The following TRPC5 variants were observed in gnomAD, a reference collection of about 807,000 sequenced individuals.
TRPC5 encodes transient receptor potential cation channel subfamily C member 5.
TRPC5 carries 9 observed loss-of-function variants against 56.5 expected under a neutral mutation model. The observed-to-expected ratio is 0.16, with a 90% confidence interval of 0.10 to 0.28. The LOEUF (loss-of-function observed/expected upper bound fraction) is 0.28. Ranked by LOEUF, TRPC5 falls within the 10% of genes least tolerant of loss-of-function variation. TRPC5 has a pLI of 1.00. For missense variants in TRPC5, 469 were observed against 748.9 expected (o/e 0.63, Z 4.36); for synonymous variants, 282 against 278.5 (o/e 1.01, Z -0.13).
intron 1 of TRPC5, among the ~76,000 whole-genome samples, chrX:112,009,627 C>G (rs187296403): frequency 1.2e-4 from 13 of 111,788 alleles, no homozygotes; most frequent in Non-Finnish European, 1.9e-5. Flanking sequence ...TGAACTCTGA[C>G]GCATAAAGGC....
chrX:111,945,494 C>T (rs1332293443), intron 2 of TRPC5, among the ~76,000 whole-genome samples: 2 of 110,052 alleles, frequency 1.8e-5, no homozygotes, highest in Admixed American at 9.8e-5. Flanking sequence ...TGTGTGCGCA[C>T]ACACACCGAC....
intron 1 of TRPC5, among the ~76,000 whole-genome samples, chrX:111,982,755 G>C (rs187087296): frequency 1.8e-5 from 2 of 110,995 alleles, no homozygotes; most frequent in African/African-American, 3.3e-5. Context: ...TTGGAACTAA[G>C]GCCTCTAGGT....
chrX:112,044,077 C>T (rs957683588), intron 1 of TRPC5, among the ~76,000 whole-genome samples: 1 of 111,513 alleles, frequency 9.0e-6, no homozygotes, highest in African/African-American at 3.3e-5. Context: ...GATAGACTAG[C>T]AACTGTAAAC....
chrX:111,982,877 G>A (rs559130477), intron 1 of TRPC5, among the ~76,000 whole-genome samples: 2 of 111,181 alleles, frequency 1.8e-5, no homozygotes, highest in South Asian at 7.7e-4. Context: ...TTGGAACTGT[G>A]AATCTTGGCT....
intron 1 of TRPC5, among the ~76,000 whole-genome samples, chrX:112,041,107 T>C (rs1359644752): frequency 9.0e-6 from 1 of 111,374 alleles, no homozygotes; most frequent in Non-Finnish European, 1.9e-5. Context: ...CAACCTACTA[T>C]ACAAGTTGGC....
intron 1 of TRPC5, among the ~76,000 whole-genome samples, chrX:112,020,388 G>A (rs1929242412): frequency 1.8e-5 from 2 of 111,999 alleles, no homozygotes; most frequent in South Asian, 7.4e-4. Context: ...GGTCTTTGAA[G>A]GCGAGTAATC....
At chrX:111,878,271 C>T (rs1924051584) in intron 3 of TRPC5, among the ~76,000 whole-genome samples, 1 of 109,303 alleles carries the variant, frequency 9.1e-6, no homozygotes, top group Non-Finnish European at 1.9e-5. Flanking sequence ...AAAAATGCTC[C>T]TATAATACCC....
At chrX:111,944,967 C>A (rs1341926366) in intron 2 of TRPC5, among the ~76,000 whole-genome samples, 1 of 110,682 alleles carries the variant, frequency 9.0e-6, no homozygotes, top group Admixed American at 9.7e-5. Context: ...TATGGCAGCC[C>A]TAGGAAACAA....
At chrX:112,016,684 G>T (rs746074684) in intron 1 of TRPC5, among the ~76,000 whole-genome samples, 14 of 111,854 alleles carry the variant, frequency 1.3e-4, no homozygotes, top group African/African-American at 4.5e-4. Flanking sequence ...CTTAGCTTTT[G>T]CTCTGTGTGT....
intron 1 of TRPC5, among the ~76,000 whole-genome samples, chrX:111,965,665 G>A: frequency 8.9e-6 from 1 of 112,085 alleles, no homozygotes; most frequent in Middle Eastern, 4.6e-3. Context: ...TCAGGATTAA[G>A]AAACTCATTC....
chrX:111,825,815 C>T (rs1427950580), intron 7 of TRPC5, among the ~76,000 whole-genome samples: 8 of 111,277 alleles, frequency 7.2e-5, no homozygotes, highest in Non-Finnish European at 1.5e-4. Flanking sequence ...AGATGGCTGG[C>T]GGAATTTGGA....
intron 2 of TRPC5, among the ~76,000 whole-genome samples, chrX:111,938,550 G>T (rs1326387351): frequency 1.8e-5 from 2 of 111,234 alleles, no homozygotes; most frequent in Non-Finnish European, 3.8e-5. Context: ...AGAGTTTTTA[G>T]CATGAAGGGT....
chrX:111,807,984 G>GTGTGTGTA lies in TRPC5; in HGVS notation c.1897-25847_1897-25846insTACACACA, dbSNP rs1921573991. Among the ~76,000 whole-genome samples the GTGTGTGTA allele has an allele frequency of 2.7e-5, 3 of 110,286 alleles. No individual in the cohort carries two copies. The Admixed American group carries it at 2.9e-4, about 11-fold the overall frequency. ...TGTGTGTGTGTGTGTGTGTGTGTGT[G>GTGTGTGTA]TGTGTGTGCACGCGCTGAGCTGCAT... On this transcript the variant is annotated intron_variant, in intron 7 of 10. Transcript: ENST00000262839.
intron 6 of TRPC5, among the ~76,000 whole-genome samples, chrX:111,842,580 C>T (rs573366314): frequency 3.2e-4 from 36 of 112,364 alleles, no homozygotes; most frequent in African/African-American, 1.1e-3. Flanking sequence ...GTTTTTTCAA[C>T]GCTTTGGATG....
In TRPC5 at chrX:111,769,506, G is replaced by A. The variant is rs1357276966; in HGVS notation, c.*6807C>T. On this transcript the variant is annotated 3_prime_UTR_variant, in exon 11 of 11. Coordinates refer to ENST00000262839, the MANE Select transcript of TRPC5 (RefSeq NM_012471.3). ...AAAGGAGAACAAGCATTCTTGAGGG[G>A]GTGATGGAGATATTCTATAACTTGA... is the stretch of plus-strand genomic sequence containing the variant. Among the ~76,000 whole-genome samples the A allele has an allele frequency of 9.0e-6, 1 of 111,476 alleles. No homozygotes were observed. The highest frequency in any genetic ancestry group is 1.9e-5 in the Non-Finnish European group (1 of 53,075).
chrX:111,909,331 AAAATAAATAAAT>A (rs1191409351), intron 3 of TRPC5, among the ~76,000 whole-genome samples: 1 of 105,279 alleles, frequency 9.5e-6, no homozygotes, highest in Non-Finnish European at 1.9e-5. Context: ...CTCCGTCTCA[AAAATAAATAAAT>A]AAATAAATAA....
At chrX:111,864,949 G>A (rs780456239) in intron 3 of TRPC5, among the ~76,000 whole-genome samples, 11 of 111,345 alleles carry the variant, frequency 9.9e-5, no homozygotes, top group Non-Finnish European at 1.1e-4. Flanking sequence ...CTTGCCCAAC[G>A]AATTCCCTTC....
chrX:111,875,526 C>A (rs1157290844), intron 3 of TRPC5, among the ~76,000 whole-genome samples: 1 of 107,948 alleles, frequency 9.3e-6, no homozygotes, highest in Non-Finnish European at 1.9e-5. Context: ...ATGTGTAGGG[C>A]CCAGGAAGAA....
intron 1 of TRPC5, among the ~76,000 whole-genome samples, chrX:111,969,756 G>C (rs1927727456): frequency 9.0e-6 from 1 of 111,293 alleles, no homozygotes; most frequent in African/African-American, 3.3e-5. Flanking sequence ...AGAGAGGGAA[G>C]AATGTAGGAG....
Sources: allele counts gnomAD v4.1 joint callset (sites outside exome capture counted in the v4.1 genomes callset), GRCh38; gene constraint gnomAD v4.1.1; transcripts MANE v1.5; gene names NCBI Gene and HGNC (gene_info 2026-07-23, HGNC 2026-07-21).